The following CRB1 variants were observed in gnomAD, a reference collection of about 807,000 sequenced individuals.
CRB1 encodes the protein crumbs cell polarity complex component 1.
A neutral mutation model predicts 120.0 loss-of-function variants in CRB1; 83 were observed. The observed-to-expected ratio is 0.69, with a 90% CI of 0.58 to 0.83. The LOEUF is 0.83. Ranked by LOEUF, CRB1 falls within the 40% of genes least tolerant of loss-of-function variation. CRB1 has a pLI of 0.00. For missense variants in CRB1, 1,699 were observed against 1,687.6 expected, an observed-to-expected ratio of 1.01 and a Z score of -0.12; for synonymous variants, 625 against 612.5, an observed-to-expected ratio of 1.02 and a Z score of -0.30.
At chr1:197,269,013 T>C (rs1227186238) in intron 1 of CRB1, among the ~76,000 whole-genome samples, 3 of 152,208 alleles carry the variant, frequency 2.0e-5, no homozygotes, top group Non-Finnish European at 4.4e-5. Flanking sequence ...TTTACTGTTA[T>C]GTGTTTCTGT....
intron 11 of CRB1, among the ~76,000 whole-genome samples, chr1:197,454,995 A>G (rs190429700): frequency 1.6e-3 from 247 of 152,296 alleles, no homozygotes; most frequent in African/African-American, 5.0e-3. Context: ...GTGAATCATA[A>G]AGATATTTTT....
chr1:197,340,565 T>A (rs548841025), intron 2 of CRB1, among the ~76,000 whole-genome samples: 2 of 152,040 alleles, frequency 1.3e-5, no homozygotes, highest in African/African-American at 2.4e-5. Flanking sequence ...AGATGAGACA[T>A]GATGAGGGTT....
chr1:197,376,031 C>T (rs1020687765), intron 5 of CRB1, among the ~76,000 whole-genome samples: 4 of 152,174 alleles, frequency 2.6e-5, no homozygotes, highest in Non-Finnish European at 5.9e-5. Context: ...CTCTAGTTTA[C>T]AGTTGTTCTC....
At chr1:197,216,635 C>T in the CRB1 span, among the ~76,000 whole-genome samples, 1 of 152,092 alleles carries the variant, frequency 6.6e-6, no homozygotes, top group Non-Finnish European at 1.5e-5. Flanking sequence ...GGATATAGAG[C>T]TAGATTATTT....
At chr1:197,326,358 C>T (rs1658490227) in intron 1 of CRB1, among the ~76,000 whole-genome samples, 3 of 152,122 alleles carry the variant, frequency 2.0e-5, no homozygotes, top group Non-Finnish European at 1.5e-5. Flanking sequence ...GTGGCTCAAG[C>T]CTGTAATCCT....
chr1:197,295,571 T>C (rs1244514028), intron 1 of CRB1, among the ~76,000 whole-genome samples: 2 of 151,988 alleles, frequency 1.3e-5, no homozygotes, highest in Non-Finnish European at 1.5e-5. Flanking sequence ...CTCATCATGG[T>C]ATATTTTGTA....
chr1:197,206,041 A>G, the CRB1 span, among the ~76,000 whole-genome samples: 1 of 152,118 alleles, frequency 6.6e-6, no homozygotes, highest in Admixed American at 6.5e-5. Flanking sequence ...GTTTATGCAC[A>G]TAAAGATGTA....
intron 1 of CRB1, among the ~76,000 whole-genome samples, chr1:197,312,949 T>C (rs1764622): frequency 0.69 from 104,921 of 151,988 alleles, 36,430 homozygotes; most frequent in East Asian, 0.92. Flanking sequence ...TCATTGTTTG[T>C]ATTAGTCCAT....
the CRB1 span, among the ~76,000 whole-genome samples, chr1:197,253,730 A>C: frequency 6.6e-6 from 1 of 152,114 alleles, no homozygotes; most frequent in Non-Finnish European, 1.5e-5. Context: ...TTGATAAAGA[A>C]AAATTTCTCT....
At chr1:197,437,439 C>T (rs550051942) in intron 9 of CRB1, among the ~76,000 whole-genome samples, 1 of 152,040 alleles carries the variant, frequency 6.6e-6, no homozygotes, top group South Asian at 2.1e-4. Flanking sequence ...ACACATAGGC[C>T]CTAGTAACTA....
chr1:197,374,419 G>C (rs1661536293), intron 5 of CRB1, among the ~76,000 whole-genome samples: 1 of 152,094 alleles, frequency 6.6e-6, no homozygotes, highest in Non-Finnish European at 1.5e-5. Flanking sequence ...ATGAGTGTCA[G>C]GGCCCAGAGG....
intron 11 of CRB1, among the ~76,000 whole-genome samples, chr1:197,473,952 T>G (rs1667095912): frequency 6.6e-6 from 1 of 152,186 alleles, no homozygotes; most frequent in Non-Finnish European, 1.5e-5. Flanking sequence ...TAAAGCTTAA[T>G]GACATGCCCT....
chr1:197,443,190 A>C (rs930642304), intron 11 of CRB1: 5 of 151,848 alleles, frequency 3.3e-5, no homozygotes, highest in Non-Finnish European at 7.4e-5. Flanking sequence ...ATGTTTTTAC[A>C]TGAAGCTATT....
At chr1:197,299,612 C>T (rs576013667) in intron 1 of CRB1, among the ~76,000 whole-genome samples, 1 of 151,818 alleles carries the variant, frequency 6.6e-6, no homozygotes, top group South Asian at 2.1e-4. Context: ...GTATTTTTGC[C>T]TTGACAAGAA....
At chr1:197,223,823 T>G in the CRB1 span, among the ~76,000 whole-genome samples, 49 of 152,172 alleles carry the variant, frequency 3.2e-4, no homozygotes, top group Non-Finnish European at 4.7e-4. Flanking sequence ...TTTTTAACCT[T>G]CTTCAAGTTT....
chr1:197,473,756 AGGCC>A (rs1667083072), intron 11 of CRB1, among the ~76,000 whole-genome samples: 3 of 152,080 alleles, frequency 2.0e-5, no homozygotes, highest in Admixed American at 2.0e-4. Flanking sequence ...CTGCACCTGG[AGGCC>A]TCCATCATCA....
rs113948193 is a variant in CRB1 at position 197,363,997 on chromosome 1, C to T, written c.1171+6984C>T. 2,319 of 1,386,818 alleles carry T rather than the reference C, an allele frequency of 1.7e-3. 33 individuals are homozygous for T. In the African/African-American group the frequency reaches 0.03, roughly 18 times the overall value. 85.9% of individuals were successfully genotyped at this position (1,386,818 alleles called of 1,614,324 possible). A position where few individuals can be genotyped will look rare whatever the true frequency, so the allele number is the denominator to read the frequency against. ...ACAGAGGGAAAGCTATGAAAAGTGC[C>T]GGCGGATCTACAGTATGGAAATGGC... On this transcript the variant is annotated intron_variant, in intron 5 of 11. Coordinates refer to ENST00000367400, the MANE Select transcript of CRB1 (RefSeq NM_201253.3).
intron 5 of CRB1, among the ~76,000 whole-genome samples, chr1:197,419,809 C>CCA (rs1664194734): frequency 7.9e-6 from 1 of 127,228 alleles, no homozygotes; most frequent in South Asian, 2.7e-4. Flanking sequence ...CCCATCTCTA[C>CCA]AAAAAAAAAA....
chr1:197,471,045 T>C (rs1277451225), intron 11 of CRB1, among the ~76,000 whole-genome samples: 1 of 152,196 alleles, frequency 6.6e-6, no homozygotes, highest in Non-Finnish European at 1.5e-5. Context: ...ATCTCCAATG[T>C]GTCCACAGGA....
Sources: gnomAD v4.1 joint callset for allele counts (sites outside exome capture counted in the v4.1 genomes callset) on GRCh38, gnomAD v4.1.1 for gene constraint, MANE v1.5 for transcripts, NCBI Gene and HGNC (gene_info 2026-07-23, HGNC 2026-07-21) for gene names.